Variants in DNAH5 observed in about 807,000 individuals in gnomAD.
DNAH5 encodes axonemal beta dynein heavy chain 5.
DNAH5 carries 372 observed loss-of-function variants against 518.2 expected under a neutral mutation model. The ratio of observed to expected loss-of-function variants is 0.72; its 90% CI spans 0.66 to 0.78. DNAH5 has a LOEUF of 0.78. Ranked by LOEUF, DNAH5 falls within the 30% of genes least tolerant of loss-of-function variation. The probability of loss-of-function intolerance (pLI) is 0.00; values close to 1 mark genes in which losing one functional copy is unlikely to be tolerated. For synonymous variants in DNAH5, 2,039 were observed against 2,025.9 expected, an observed-to-expected ratio of 1.01 and a Z score of -0.17; for missense variants, 5,523 against 5,687.0, an observed-to-expected ratio of 0.97 and a Z score of 0.93.
In DNAH5 at chr5:13,786,268, T is replaced by G. The variant is rs142852982; in HGVS notation, c.8731A>C (p.Asn2911His). The change falls in exon 52 of 79, where the codon AAT (asparagine) becomes CAT (histidine). Residue 2911 changes from asparagine to histidine, a missense_variant. Asn to His is a moderately conservative substitution (Grantham distance 68). Transcript: ENST00000265104. Reference sequence around the variant, plus strand: ...TCATTATAGAGCTGCAGGAACATATTCAGACGCTCTTTTAGGTGACTAAAA... The same window carrying G: ...TCATTATAGAGCTGCAGGAACATATGCAGACGCTCTTTTAGGTGACTAAAA... ...ESFSHLKERL[N>H]MFLQLYNESI... 1 of 1,613,958 alleles carries G rather than the reference T, an allele frequency of 6.2e-7. No homozygotes were observed. Among genetic ancestry groups the G allele is most frequent in the Non-Finnish European group, 8.5e-7 (1 of 1,180,006 alleles).
At position 13,766,185 on chromosome 5, in the gene DNAH5, G is replaced by A. The variant is rs1554039568; in HGVS notation, c.9898-6C>T. The A allele has an allele frequency of 1.2e-6, 2 of 1,613,988 alleles. No individual in the cohort carries two copies. Among genetic ancestry groups the A allele is most frequent in the Non-Finnish European group, 1.7e-6 (2 of 1,179,898 alleles). On this transcript the variant is annotated splice_polypyrimidine_tract_variant and splice_region_variant and intron_variant, in intron 58 of 78. Transcript: ENST00000265104. The stretch of plus-strand genomic sequence containing the variant: ...ATGTCCGAAGGCCTGATGGTCTGGG[G>A]GATGAAAGGAACGATCACCCAACCA...
chr5:13,921,759 C>A (rs1167283344), intron 5 of DNAH5, among the ~76,000 whole-genome samples: 3 of 147,056 alleles, frequency 2.0e-5, no homozygotes, highest in Admixed American at 6.8e-5. Flanking sequence ...CACCCCCCCA[C>A]ACACACACAC....
intron 1 of DNAH5, among the ~76,000 whole-genome samples, chr5:13,997,838 C>T (rs984300657): frequency 6.8e-6 from 1 of 147,430 alleles, no homozygotes; most frequent in Non-Finnish European, 1.5e-5. Flanking sequence ...ATATATTTCT[C>T]ACAATTCTAT....
intron 65 of DNAH5, among the ~76,000 whole-genome samples, chr5:13,749,968 C>CG (rs1554033494): frequency 7.6e-6 from 1 of 131,790 alleles, no homozygotes; most frequent in Non-Finnish European, 1.7e-5. Context: ...CTCAACCATG[C>CG]GATTTATGAA....
At chr5:14,009,601 CTAACCTGCCAA>C (rs772605528) in intron 1 of DNAH5, among the ~76,000 whole-genome samples, 120 of 152,320 alleles carry the variant, frequency 7.9e-4, no homozygotes, top group Non-Finnish European at 1.5e-3. Context: ...ACTAGTGGCA[CTAACCTGCCAA>C]TATGAGGGTT....
chr5:13,949,734 A>T (rs1425393359), intron 1 of DNAH5, among the ~76,000 whole-genome samples: 2 of 152,234 alleles, frequency 1.3e-5, no homozygotes, highest in Admixed American at 6.5e-5. Context: ...AAAGTGTAAG[A>T]ATTAGGAATA....
intron 22 of DNAH5, among the ~76,000 whole-genome samples, chr5:13,873,793 G>A (rs1283453222): frequency 5.3e-5 from 8 of 152,060 alleles, no homozygotes; most frequent in Admixed American, 6.6e-5. Context: ...GAGCCACGGC[G>A]CCTAGCCAAA....
chr5:13,808,080 A>C (rs560508064), intron 46 of DNAH5, among the ~76,000 whole-genome samples: 1 of 151,980 alleles, frequency 6.6e-6, no homozygotes, highest in South Asian at 2.1e-4. Flanking sequence ...AAATACAAAA[A>C]TTAGCCAGGT....
intron 47 of DNAH5, among the ~76,000 whole-genome samples, chr5:13,796,355 C>A (rs1013078214): frequency 6.6e-6 from 1 of 152,202 alleles, no homozygotes; most frequent in South Asian, 2.1e-4. Context: ...AGCAAAGTCT[C>A]AGGATACAAA....
intron 78 of DNAH5, among the ~76,000 whole-genome samples, chr5:13,696,776 G>A (rs1267818683): frequency 6.6e-6 from 1 of 152,022 alleles, no homozygotes; most frequent in Non-Finnish European, 1.5e-5. Flanking sequence ...AAAGCTATTT[G>A]GCAAACCAAG....
chr5:13,870,218 C>T (rs1022769085), intron 24 of DNAH5, among the ~76,000 whole-genome samples: 2 of 152,066 alleles, frequency 1.3e-5, no homozygotes, highest in East Asian at 1.9e-4. Context: ...CTGTTAACGC[C>T]CCATCCAGGT....
rs61744054 is a variant in DNAH5 at position 13,716,688 on chromosome 5, A to G, written c.12708T>C (p.Gly4236=). ...TGTAGCGGATGGTGGTCCAGGAGAC[A>G]CCCTGGGAAATTTTATAGAATAATT... ...NHLDDMDVKK[G]VSWTTIRYMI... Residue 4236 remains glycine, a splice_region_variant and synonymous_variant, in exon 74 of 79, where the codon GGT becomes GGC. Transcript: ENST00000265104. 10,116 of 1,609,210 alleles carry G rather than the reference A, an allele frequency of 6.3e-3. 289 individuals carry two copies. The African/African-American group carries it at 0.08, about 13-fold the overall frequency.
Position 13,841,027 on chromosome 5 carries a change from A to T in DNAH5, c.5588T>A (p.Phe1863Tyr). The T allele has an allele frequency of 1.2e-6, 2 of 1,614,168 alleles. No individual in the cohort carries two copies. The highest frequency in any genetic ancestry group is 1.7e-6 in the Non-Finnish European group (2 of 1,180,014). Reference protein sequence around the residue: ...KKIMQKTNQAFLELLNTLIDV... With the variant: ...KKIMQKTNQAYLELLNTLIDV... ...TATCAATGTATTGAGTAGCTCCAGG[A>T]AAGCCTGATTAGTTTTCTGCATGAT... The change falls in exon 34 of 79, where the codon TTC becomes TAC. Residue 1863 changes from phenylalanine to tyrosine, a missense_variant. Coordinates refer to ENST00000265104, the MANE Select transcript of DNAH5 (RefSeq NM_001369.3).
intron 11 of DNAH5, 150 bp downstream of exon 11, chr5:13,913,592 TC>T: frequency 1.1e-6 from 1 of 950,608 alleles, no homozygotes; most frequent in African/African-American, 1.7e-5. Context: ...CTCAAACAAA[TC>T]TAATTTCTTT....
rs1218560570 is a variant in DNAH5 at position 13,864,745 on chromosome 5, A to G, written c.4356-108T>C. 4.9e-6 allele frequency: 6 copies of G among 1,223,068 alleles called. No individual in the cohort carries two copies. In the African/African-American group the frequency reaches 6.0e-5, roughly 12 times the overall value. The allele number at this position is 1,223,068 out of a possible 1,614,324, so 75.8% of individuals were successfully genotyped here. ...TTAAAAACAGTCTCTTTGAATACTT[A>G]TCCTATTTTAAATCCCATGACTTGC... On this transcript the variant is annotated intron_variant, in intron 27 of 78. Transcript: ENST00000265104.
Position 13,717,313 on chromosome 5 carries a change from A to G in DNAH5, c.12705+2T>C. 6.2e-7 allele frequency: 1 copy of G among 1,613,414 alleles called. No individual in the cohort carries two copies. The highest frequency in any genetic ancestry group is 8.5e-7 in the Non-Finnish European group (1 of 1,179,782). ...GGCATGAGGCAGCATGCGCGGCAGT[A>G]CCTTTTTGACATCCATGTCATCCAA... On this transcript the variant is annotated splice_donor_variant, in intron 73 of 78. Coordinates refer to ENST00000265104, the MANE Select transcript of DNAH5 (RefSeq NM_001369.3). LOFTEE classifies it high-confidence loss of function.
chr5:13,874,257 C>A lies in DNAH5; in HGVS notation c.3396+2427G>T, dbSNP rs908452179. ...AATTAATTACAGATTATTGAAGATT[C>A]CCAGAAATGGATAGAAGTTCCAGAA... is the stretch of plus-strand genomic sequence containing the variant. On this transcript the variant is annotated intron_variant, in intron 22 of 78. Coordinates refer to ENST00000265104, the MANE Select transcript of DNAH5 (RefSeq NM_001369.3). Among the ~76,000 whole-genome samples the A allele has an allele frequency of 3.3e-5, 5 of 152,154 alleles. 1 individual carries two copies. Among genetic ancestry groups the A allele is most frequent in the Admixed American group, 3.3e-4 (5 of 15,264 alleles).
intron 1 of DNAH5, among the ~76,000 whole-genome samples, chr5:13,982,119 G>A (rs544689211): frequency 5.9e-5 from 9 of 152,216 alleles, no homozygotes; most frequent in Non-Finnish European, 1.0e-4. Context: ...CAAACTGCAA[G>A]GCGAGCTTCT....
At chr5:13,909,103 G>A (rs536493668) in intron 12 of DNAH5, among the ~76,000 whole-genome samples, 1 of 152,246 alleles carries the variant, frequency 6.6e-6, no homozygotes, top group East Asian at 1.9e-4. Flanking sequence ...AGACAAGATG[G>A]ATAATAGTGT....
Sources: allele counts gnomAD v4.1 joint callset (sites outside exome capture counted in the v4.1 genomes callset), GRCh38; gene constraint gnomAD v4.1.1; transcripts MANE v1.5; gene names NCBI Gene and HGNC (gene_info 2026-07-23, HGNC 2026-07-21).